Variants in IL12RB1 observed in about 807,000 individuals in gnomAD.
IL12RB1 encodes the protein interleukin-12 receptor subunit beta-1.
IL12RB1 carries 64 observed loss-of-function variants against 94.4 expected under a neutral mutation model. The ratio of observed to expected loss-of-function variants is 0.68; its 90% CI spans 0.55 to 0.83. The LOEUF (loss-of-function observed/expected upper bound fraction) is 0.83, where lower values mean the gene tolerates loss of function less well. IL12RB1 is among the 40% of genes least tolerant of loss of function. The pLI is 0.00. For missense variants in IL12RB1, 814 were observed against 855.6 expected (o/e 0.95, Z 0.61); for synonymous variants, 362 against 355.5 (o/e 1.02, Z -0.21).
At chr19:18,062,059 T>G (rs2034175907) in intron 14 of IL12RB1, 122 bp downstream of exon 14, 1 of 681,842 alleles carries the variant, frequency 1.5e-6, no homozygotes, top group Admixed American at 2.3e-5. Context: ...TACCTCTGGC[T>G]TGCCCTTGAA....
chr19:18,066,117 G>GT (rs1312327191), intron 12 of IL12RB1, among the ~76,000 whole-genome samples: 4 of 148,854 alleles, frequency 2.7e-5, no homozygotes, highest in Admixed American at 2.0e-4. Flanking sequence ...TTTCGTTTTT[G>GT]TTTTTTCTGA....
intron 1 of IL12RB1, among the ~76,000 whole-genome samples, chr19:18,094,787 C>T (rs1267750512): frequency 6.6e-6 from 1 of 152,098 alleles, no homozygotes; most frequent in Non-Finnish European, 1.5e-5. Flanking sequence ...AAGAGCAAGA[C>T]CCTGTCCCAA....
Position 18,062,180 on chromosome 19 carries a change from C to T in IL12RB1, c.1715+1G>A. 6.3e-7 allele frequency: 1 copy of T among 1,597,476 alleles called. No individual in the cohort carries two copies. Among genetic ancestry groups the T allele is most frequent in the Non-Finnish European group, 8.6e-7 (1 of 1,165,082 alleles). Reference sequence around the variant, plus strand: ...TGGTAACGGTAAGAGGTGTCAGTTACCTGTTCAGGCCAAGGTAGCCAAGGA... The same window carrying T: ...TGGTAACGGTAAGAGGTGTCAGTTATCTGTTCAGGCCAAGGTAGCCAAGGA... On this transcript the variant is annotated splice_donor_variant, in intron 14 of 16. Transcript: ENST00000593993. LOFTEE classifies it high-confidence loss of function.
At chr19:18,081,814 C>T (rs1438341823) in intron 3 of IL12RB1, among the ~76,000 whole-genome samples, 1 of 150,756 alleles carries the variant, frequency 6.6e-6, no homozygotes, top group Non-Finnish European at 1.5e-5. Context: ...AGCAAGACTC[C>T]ATCTCAAAAA....
At chr19:18,059,842 C>T (rs970598928) in intron 16 of IL12RB1, 52 bp downstream of exon 16, 20 of 1,062,160 alleles carry the variant, frequency 1.9e-5, no homozygotes, top group Non-Finnish European at 2.9e-5. Flanking sequence ...AGCCCCCCCA[C>T]CCCCCGGGCA....
upstream of IL12RB1, among the ~76,000 whole-genome samples, chr19:18,089,477 T>C (rs530081857): frequency 5.3e-5 from 8 of 151,746 alleles, no homozygotes; most frequent in South Asian, 1.7e-3. Flanking sequence ...ATACAAAAAT[T>C]AGCTGGGCGT....
intron 9 of IL12RB1, 22 bp from the exon 10 acceptor site, chr19:18,069,735 G>T: frequency 6.3e-7 from 1 of 1,578,506 alleles, no homozygotes; most frequent in Non-Finnish European, 8.7e-7. Flanking sequence ...GGGGAGAGAC[G>T]CATCGAGACA....
chr19:18,069,572 G>T lies in IL12RB1; in HGVS notation c.1163C>A (p.Pro388Gln). The T allele has an allele frequency of 6.2e-7, 1 of 1,610,934 alleles. No homozygotes were observed. The highest frequency in any genetic ancestry group is 8.5e-7 in the Non-Finnish European group (1 of 1,179,792). ...GGLATCSLTA[P>Q]QDPDPAGMAT... ...CATTCCAGCCGGATCCGGGTCTTGC[G>T]GCGCAGTCAGGCTGCAGGTGGCAAG... The change falls in exon 10 of 17, where the codon CCG becomes CAG. Residue 388 changes from proline to glutamine, a missense_variant. Coordinates refer to ENST00000593993, the MANE Select transcript of IL12RB1 (RefSeq NM_005535.3).
chr19:18,062,273 C>T lies in IL12RB1; in HGVS notation c.1623G>A (p.Val541=). ...WSQPQRFSIE[V]QVSDWLIFFA... Reference sequence around the variant, plus strand: ...AGAAGATGAGCCAATCAGAAACCTGCACTTCTGAGGTGGGAGAGCGTGGGT... The same window carrying T: ...AGAAGATGAGCCAATCAGAAACCTGTACTTCTGAGGTGGGAGAGCGTGGGT... The change falls in exon 14 of 17, where the codon GTG becomes GTA. Residue 541 remains valine, a synonymous_variant. Coordinates refer to ENST00000593993, the MANE Select transcript of IL12RB1 (RefSeq NM_005535.3). 6.2e-7 allele frequency: 1 copy of T among 1,608,010 alleles called. No homozygotes were observed. Among genetic ancestry groups the T allele is most frequent in the Non-Finnish European group, 8.5e-7 (1 of 1,175,414 alleles).
chr19:18,072,864 G>A (rs932321442), intron 8 of IL12RB1, among the ~76,000 whole-genome samples: 8 of 148,654 alleles, frequency 5.4e-5, no homozygotes, highest in African/African-American at 1.5e-4. Context: ...GGAGAATGGC[G>A]TGAACCCGGG....
intron 1 of IL12RB1, among the ~76,000 whole-genome samples, chr19:18,094,762 C>T (rs1183260919): frequency 1.3e-5 from 2 of 152,158 alleles, no homozygotes; most frequent in East Asian, 3.9e-4. Context: ...CTACTCCGCC[C>T]TCCAGCCTGG....
At chr19:18,066,269 G>A (rs955071403) in intron 12 of IL12RB1, among the ~76,000 whole-genome samples, 11 of 151,858 alleles carry the variant, frequency 7.2e-5, no homozygotes, top group African/African-American at 1.7e-4. Context: ...CACCATGCCC[G>A]GCTAATTTTG....
upstream of IL12RB1, among the ~76,000 whole-genome samples, chr19:18,089,557 A>G (rs960753024): frequency 2.0e-5 from 3 of 150,944 alleles, no homozygotes; most frequent in Non-Finnish European, 4.4e-5. Context: ...CCCGGGAGGC[A>G]GAGGTTGCAG....
chr19:18,098,823 T>C, exon 1 of IL12RB1: 1 of 456,286 alleles, frequency 2.2e-6, no homozygotes, highest in East Asian at 6.9e-5. Context: ...TTCTGCAACC[T>C]CTGGAGCTGC....
At chr19:18,092,670 GA>G (rs58773304) in intron 1 of IL12RB1, among the ~76,000 whole-genome samples, 52,480 of 131,800 alleles carry the variant, frequency 0.4, 10,295 homozygotes, top group African/African-American at 0.5. Context: ...AACTCTGTCT[GA>G]AAAAAAAAAA....
At position 18,062,289 on chromosome 19, in the gene IL12RB1, G is replaced by C. The variant is rs1452393036; in HGVS notation, c.1619-12C>G. 12 of 1,583,064 alleles carry C rather than the reference G, an allele frequency of 7.6e-6. No individual in the cohort carries two copies. The highest frequency in any genetic ancestry group is 2.2e-5 in the East Asian group (1 of 44,656). On this transcript the variant is annotated splice_polypyrimidine_tract_variant and intron_variant, in intron 13 of 16. Transcript: ENST00000593993. ...AGAAACCTGCACTTCTGAGGTGGGA[G>C]AGCGTGGGTTGGCAGAGGGCTACCT... is the stretch of plus-strand genomic sequence containing the variant.
Position 18,076,171 on chromosome 19 carries a change from A to G in IL12RB1, c.580+126T>C, listed in dbSNP as rs148161762. The G allele has an allele frequency of 3.9e-4, 287 of 732,466 alleles. 1 individual carries two copies. In the African/African-American group the frequency reaches 4.4e-3, roughly 11 times the overall value. The allele number at this position is 732,466 out of a possible 1,614,324, so 45.4% of individuals were successfully genotyped here. On this transcript the variant is annotated intron_variant, in intron 6 of 16. Coordinates refer to ENST00000593993, the MANE Select transcript of IL12RB1 (RefSeq NM_005535.3). ...CCACCTGCAATTTGGAAAGAATCCA[A>G]TACTGAACTATGGGGCAGGGTAAGA...
At chr19:18,094,501 T>C (rs2036793436) in intron 1 of IL12RB1, among the ~76,000 whole-genome samples, 1 of 152,228 alleles carries the variant, frequency 6.6e-6, no homozygotes, top group Non-Finnish European at 1.5e-5. Flanking sequence ...AAACATTCAT[T>C]GTTTATGGAA....
chr19:18,066,193 C>T lies in IL12RB1; in HGVS notation c.1483+349G>A, dbSNP rs191783448. ...TACAATCTCGGCTCACTGCAATCTC[C>T]GCCTCCTGGGTTCAAGCGATTCTCC... On this transcript the variant is annotated intron_variant, in intron 12 of 16. Transcript: ENST00000593993. 8.9e-4 allele frequency among the ~76,000 whole-genome samples: 136 copies of T among 152,020 alleles called. 1 individual carries two copies. Among genetic ancestry groups the T allele is most frequent in the Middle Eastern group, 3.4e-3 (1 of 294 alleles).
Sources: gnomAD v4.1 joint callset for allele counts (sites outside exome capture counted in the v4.1 genomes callset) on GRCh38, gnomAD v4.1.1 for gene constraint, MANE v1.5 for transcripts, NCBI Gene and HGNC (gene_info 2026-07-23, HGNC 2026-07-21) for gene names.